The following FLI1 variants were observed in gnomAD, a reference collection of about 807,000 sequenced individuals.
FLI1 encodes Friend leukemia integration 1 transcription factor.
A neutral mutation model predicts 53.1 loss-of-function variants in FLI1; 13 were observed. That is an observed-to-expected ratio of 0.24 (90% CI 0.16 to 0.39). The LOEUF (loss-of-function observed/expected upper bound fraction) is 0.39, where lower values mean the gene tolerates loss of function less well. FLI1 is among the 10% of genes least tolerant of loss of function. The probability of loss-of-function intolerance (pLI) is 1.00; values close to 1 mark genes in which losing one functional copy is unlikely to be tolerated. For synonymous variants in FLI1, 244 were observed against 236.7 expected (o/e 1.03, Z -0.28); for missense variants, 424 against 600.5 (o/e 0.71, Z 3.07).
intron 8 of FLI1, among the ~76,000 whole-genome samples, chr11:128,809,923 A>G (rs1942894946): frequency 6.6e-6 from 1 of 152,156 alleles, no homozygotes; most frequent in Non-Finnish European, 1.5e-5. Context: ...TTAGAGCTGC[A>G]AGCCAAGCTC....
intron 1 of FLI1, 158 bp from the exon 2 acceptor site, chr11:128,757,957 T>C (rs763065048): frequency 1.1e-5 from 7 of 636,528 alleles, no homozygotes; most frequent in Non-Finnish European, 1.9e-5. Context: ...CTGGTTTGCA[T>C]AAGGGCAAAC....
intron 1 of FLI1, among the ~76,000 whole-genome samples, chr11:128,748,537 G>A (rs953146509): frequency 2.0e-5 from 3 of 152,140 alleles, no homozygotes; most frequent in African/African-American, 4.8e-5. Flanking sequence ...GGAGGCTGAG[G>A]CAGGAGAATT....
At chr11:128,742,819 A>C (rs1441574909) in intron 1 of FLI1, among the ~76,000 whole-genome samples, 2 of 152,210 alleles carry the variant, frequency 1.3e-5, no homozygotes, top group African/African-American at 4.8e-5. Flanking sequence ...ACGAGTATGC[A>C]TTTGTTGGTT....
At chr11:128,764,906 T>C in intron 2 of FLI1, 2 of 1,437,952 alleles carry the variant, frequency 1.4e-6, no homozygotes, top group Non-Finnish European at 9.5e-7. Flanking sequence ...TGCCAGCCCT[T>C]CTCCCTAAGG....
chr11:128,782,784 A>G (rs565321491), intron 5 of FLI1, among the ~76,000 whole-genome samples: 1 of 152,300 alleles, frequency 6.6e-6, no homozygotes, highest in South Asian at 2.1e-4. Context: ...TGAGAAAGAA[A>G]ACTTCCTCGG....
intron 1 of FLI1, among the ~76,000 whole-genome samples, chr11:128,757,524 A>C (rs574169574): frequency 1.3e-5 from 2 of 152,102 alleles, no homozygotes; most frequent in East Asian, 3.9e-4. Flanking sequence ...CCACCTATCG[A>C]CTCTGTGCTA....
At chr11:128,744,248 C>T (rs935346304) in intron 1 of FLI1, among the ~76,000 whole-genome samples, 3 of 152,196 alleles carry the variant, frequency 2.0e-5, no homozygotes, top group African/African-American at 2.4e-5. Context: ...GGAACAACAG[C>T]ATAAAGCGGA....
chr11:128,733,682 T>C (rs1282507614), intron 1 of FLI1, among the ~76,000 whole-genome samples: 1 of 152,216 alleles, frequency 6.6e-6, no homozygotes, highest in Non-Finnish European at 1.5e-5. Flanking sequence ...TGATATAAGA[T>C]GCTGTGCGCT....
chr11:128,805,420 G>T lies in FLI1; in HGVS notation c.710G>T (p.Gly237Val). 1 of 1,576,828 alleles carries T rather than the reference G, an allele frequency of 6.3e-7. No individual in the cohort carries two copies. Among genetic ancestry groups the T allele is most frequent in the Non-Finnish European group, 8.6e-7 (1 of 1,157,008 alleles). The change falls in exon 6 of 9, where the codon GGC (glycine) becomes GTC (valine). Residue 237 changes from glycine to valine, a missense_variant. Gly to Val is a moderately radical substitution (Grantham distance 109). Transcript: ENST00000527786. Reference protein sequence around the residue: ...RGAWGNNMNSGLNKSPPLGGA... With the variant: ...RGAWGNNMNSVLNKSPPLGGA... ...GCTTGGGGCAATAACATGAATTCTG[G>T]CCTCAACAAAAGTAAGTAAATGTTT... is the stretch of plus-strand genomic sequence containing the variant.
chr11:128,780,159 T>C (rs961737463), intron 4 of FLI1, among the ~76,000 whole-genome samples: 1 of 152,190 alleles, frequency 6.6e-6, no homozygotes, highest in African/African-American at 2.4e-5. Flanking sequence ...TCTTGGATGT[T>C]ATATTCATGT....
intron 5 of FLI1, among the ~76,000 whole-genome samples, chr11:128,801,202 C>A (rs1480726071): frequency 5.9e-5 from 9 of 152,230 alleles, no homozygotes. Context: ...GCAGGCACAC[C>A]CTGCCTGAGC....
chr11:128,745,666 G>T (rs1189824542), intron 1 of FLI1, among the ~76,000 whole-genome samples: 1 of 152,212 alleles, frequency 6.6e-6, no homozygotes, highest in Non-Finnish European at 1.5e-5. Flanking sequence ...GAAATAAAAT[G>T]GATGCACGCC....
intron 1 of FLI1, among the ~76,000 whole-genome samples, chr11:128,702,298 A>G (rs1938365419): frequency 1.3e-5 from 2 of 152,268 alleles, no homozygotes; most frequent in African/African-American, 2.4e-5. Flanking sequence ...TTGAGAGAGT[A>G]GACATTTCTC....
intron 1 of FLI1, among the ~76,000 whole-genome samples, chr11:128,709,673 G>C (rs185082556): frequency 3.9e-5 from 6 of 152,324 alleles, no homozygotes; most frequent in African/African-American, 1.4e-4. Flanking sequence ...GAAAACACCA[G>C]AGAAACAAAT....
chr11:128,781,883 C>T, intron 4 of FLI1, 75 bp from the exon 5 acceptor site: 1 of 1,155,988 alleles, frequency 8.7e-7, no homozygotes. Context: ...CTTTCTACTC[C>T]CTCCTCATGT....
chr11:128,699,863 G>T (rs1050821495), intron 1 of FLI1, among the ~76,000 whole-genome samples: 6 of 152,164 alleles, frequency 3.9e-5, no homozygotes, highest in African/African-American at 1.4e-4. Flanking sequence ...AAGCTAGCTG[G>T]CCTTATGGGA....
intron 1 of FLI1, among the ~76,000 whole-genome samples, chr11:128,749,769 A>G (rs1940561028): frequency 6.6e-6 from 1 of 152,202 alleles, no homozygotes; most frequent in African/African-American, 2.4e-5. Flanking sequence ...TCCTTATCCA[A>G]CTTTCCATAA....
chr11:128,692,444 C>T (rs554258630), upstream of FLI1, among the ~76,000 whole-genome samples: 1 of 146,840 alleles, frequency 6.8e-6, no homozygotes, highest in East Asian at 2.0e-4. Flanking sequence ...TCCACCCCAC[C>T]CCCACCCCCA....
chr11:128,705,967 C>G (rs1357856285), intron 1 of FLI1, among the ~76,000 whole-genome samples: 1 of 152,076 alleles, frequency 6.6e-6, no homozygotes, highest in African/African-American at 2.4e-5. Context: ...TACCAGGGGT[C>G]GATGAGCTAC....
Sources: allele counts gnomAD v4.1 joint callset (sites outside exome capture counted in the v4.1 genomes callset), GRCh38; gene constraint gnomAD v4.1.1; transcripts MANE v1.5; gene names NCBI Gene and HGNC (gene_info 2026-07-23, HGNC 2026-07-21).